The following UBE2D3 variants were observed in gnomAD, a reference collection of about 807,000 sequenced individuals.
UBE2D3 encodes the protein ubiquitin conjugating enzyme E2 D3.
A neutral mutation model predicts 22.8 loss-of-function variants in UBE2D3; 2 were observed. The ratio of observed to expected loss-of-function variants is 0.09; its 90% CI spans 0.04 to 0.28. The LOEUF is 0.28. UBE2D3 is among the 10% of genes least tolerant of loss of function. The probability of loss-of-function intolerance (pLI) is 1.00; values close to 1 mark genes in which losing one functional copy is unlikely to be tolerated. For synonymous variants in UBE2D3, 56 were observed against 60.4 expected, an observed-to-expected ratio of 0.93 and a Z score of 0.34; for missense variants, 27 against 182.5, an observed-to-expected ratio of 0.15 and a Z score of 4.91.
intron 2 of UBE2D3, among the ~76,000 whole-genome samples, chr4:102,814,545 C>T (rs558037048): frequency 6.6e-6 from 1 of 151,516 alleles, no homozygotes; most frequent in South Asian, 2.1e-4. Flanking sequence ...TCAAGTGATC[C>T]GCCTGCCTCG....
intron 1 of UBE2D3, among the ~76,000 whole-genome samples, chr4:102,835,586 G>A (rs188011321): frequency 9.9e-4 from 151 of 152,224 alleles, no homozygotes; most frequent in Non-Finnish European, 2.6e-4. Flanking sequence ...GTGCTTTTTG[G>A]CTGCCCAAAG....
chr4:102,808,645 C>T (rs927171723), intron 4 of UBE2D3, among the ~76,000 whole-genome samples: 1 of 152,148 alleles, frequency 6.6e-6, no homozygotes, highest in Non-Finnish European at 1.5e-5. Flanking sequence ...TATTTTCCAT[C>T]TTGTCACACT....
At chr4:102,807,775 A>C (rs1727296616) in intron 4 of UBE2D3, among the ~76,000 whole-genome samples, 1 of 152,208 alleles carries the variant, frequency 6.6e-6, no homozygotes, top group South Asian at 2.1e-4. Context: ...CCATTCTCTA[A>C]AAAAATTACT....
intron 7 of UBE2D3, 67 bp from the exon 8 acceptor site, chr4:102,797,527 A>T: frequency 1.5e-6 from 2 of 1,317,180 alleles, no homozygotes; most frequent in Non-Finnish European, 2.1e-6. Context: ...ATGGAAGGGA[A>T]AGATTTCCAT....
At chr4:102,836,141 ATTTTTT>A (rs907557988) in intron 1 of UBE2D3, among the ~76,000 whole-genome samples, 1 of 102,648 alleles carries the variant, frequency 9.7e-6, no homozygotes, top group African/African-American at 3.9e-5. Flanking sequence ...GTTTGTTTCC[ATTTTTT>A]TTTTTTTTTT....
At chr4:102,798,297 T>TATATATATATATATATATATATATAC (rs1481588683) in intron 7 of UBE2D3, among the ~76,000 whole-genome samples, 1 of 146,678 alleles carries the variant, frequency 6.8e-6, no homozygotes, top group African/African-American at 2.6e-5. Flanking sequence ...TATATATATA[T>TATATATATATATATATATATATATAC]GCACAGGAGA....
intron 2 of UBE2D3, chr4:102,811,221 C>T (rs3184850): frequency 6.6e-6 from 1 of 152,278 alleles, no homozygotes; most frequent in African/African-American, 2.4e-5. Flanking sequence ...TGGTGCATGC[C>T]TGGGGTCCTA....
chr4:102,825,912 ACTTATTC>A, intron 2 of UBE2D3: 1 of 394,602 alleles, frequency 2.5e-6, no homozygotes, highest in South Asian at 1.8e-5. Flanking sequence ...TCCCAAACCC[ACTTATTC>A]GGTGTAACCT....
chr4:102,820,797 T>C (rs1280478477), intron 2 of UBE2D3, among the ~76,000 whole-genome samples: 1 of 152,082 alleles, frequency 6.6e-6, no homozygotes. Context: ...GTAGAAAACA[T>C]TCAATTACAC....
At chr4:102,813,203 T>C (rs1728301506) in intron 2 of UBE2D3, among the ~76,000 whole-genome samples, 1 of 151,914 alleles carries the variant, frequency 6.6e-6, no homozygotes, top group South Asian at 2.1e-4. Context: ...GGAATCTCAC[T>C]ATGTTGCCCA....
chr4:102,861,418 C>CAGATTACACAGAAT (rs1264070103), intron 1 of UBE2D3, among the ~76,000 whole-genome samples: 1 of 151,944 alleles, frequency 6.6e-6, no homozygotes, highest in East Asian at 1.9e-4. Context: ...AGTATTATTT[C>CAGATTACACAGAAT]ACACAGAATG....
At position 102,796,516 on chromosome 4, in the gene UBE2D3, C is replaced by T. The variant is rs1189564484; in HGVS notation, c.*899G>A. ...TGTCAAACAATGAAGCAAATCCCAA[C>T]AGTATATACAAAAAACAGCTTTGCA... On this transcript the variant is annotated 3_prime_UTR_variant, in exon 8 of 8. Coordinates refer to ENST00000453744, the MANE Select transcript of UBE2D3 (RefSeq NM_181891.3). 6.6e-6 allele frequency: 1 copy of T among 152,430 alleles called. No homozygotes were observed. Among genetic ancestry groups the T allele is most frequent in the Non-Finnish European group, 1.5e-5 (1 of 67,898 alleles). 9.4% of individuals were successfully genotyped at this position (152,430 alleles called of 1,614,324 possible).
intron 1 of UBE2D3, among the ~76,000 whole-genome samples, chr4:102,856,795 A>G (rs1732639870): frequency 1.3e-5 from 2 of 152,218 alleles, no homozygotes; most frequent in Admixed American, 1.3e-4. Context: ...TCATTCACAC[A>G]TATGGCCCTA....
Position 102,868,786 on chromosome 4 carries a change from G to C in UBE2D3, c.-200C>G, listed in dbSNP as rs778785608. ...CATCGCACACAGTATCCTTTCTGCT[G>C]GTCTCCAGCATCTACAGACGTTAAA... On this transcript the variant is annotated 5_prime_UTR_variant, in exon 1 of 8. Coordinates refer to the UBE2D3 transcript ENST00000338145. 7 of 1,613,662 alleles carry C rather than the reference G, an allele frequency of 4.3e-6. No individual in the cohort carries two copies. In the South Asian group the frequency reaches 6.6e-5, roughly 15 times the overall value.
At chr4:102,824,470 T>A (rs1003943872) in intron 2 of UBE2D3, among the ~76,000 whole-genome samples, 1 of 152,242 alleles carries the variant, frequency 6.6e-6, no homozygotes, top group Non-Finnish European at 1.5e-5. Context: ...AAACAGTGCC[T>A]GGTACATATT....
chr4:102,808,517 T>G (rs556510711), intron 4 of UBE2D3, among the ~76,000 whole-genome samples: 12 of 152,262 alleles, frequency 7.9e-5, no homozygotes, highest in African/African-American at 2.6e-4. Context: ...TGCCATGTCT[T>G]ACTTTGATTT....
chr4:102,824,937 A>C (rs1730219664), intron 2 of UBE2D3, among the ~76,000 whole-genome samples: 2 of 152,214 alleles, frequency 1.3e-5, no homozygotes, highest in South Asian at 4.1e-4. Context: ...ACTCCTAAAA[A>C]GCGTTTCTTC....
chr4:102,804,883 T>A (rs959121550), intron 4 of UBE2D3, among the ~76,000 whole-genome samples: 3 of 152,032 alleles, frequency 2.0e-5, no homozygotes, highest in African/African-American at 7.2e-5. Context: ...TTTGTTGTCT[T>A]TTTAGTTGAG....
intron 1 of UBE2D3, among the ~76,000 whole-genome samples, chr4:102,868,005 AC>A (rs1733238281): frequency 6.7e-6 from 1 of 149,718 alleles, no homozygotes; most frequent in South Asian, 2.1e-4. Context: ...AGCCATAAGG[AC>A]CCCCTGCGCT....
Sources: allele counts gnomAD v4.1 joint callset (sites outside exome capture counted in the v4.1 genomes callset), GRCh38; gene constraint gnomAD v4.1.1; transcripts MANE v1.5; gene names NCBI Gene and HGNC (gene_info 2026-07-23, HGNC 2026-07-21).